Variants in TMTC4 observed in about 807,000 individuals in gnomAD.
TMTC4 encodes transmembrane O-mannosyltransferase targeting cadherins 4.
TMTC4 carries 65 observed loss-of-function variants against 86.0 expected under a neutral mutation model. The ratio of observed to expected loss-of-function variants is 0.76; its 90% CI spans 0.62 to 0.93. The LOEUF is 0.93. Among genes scored for constraint, TMTC4 ranks in the 40% least tolerant of loss-of-function variants. The probability of loss-of-function intolerance (pLI) is 0.00; values close to 1 mark genes in which losing one functional copy is unlikely to be tolerated. For synonymous variants in TMTC4, 379 were observed against 382.5 expected, an observed-to-expected ratio of 0.99 and a Z score of 0.11; for missense variants, 866 against 948.1, an observed-to-expected ratio of 0.91 and a Z score of 1.14.
At chr13:100,633,473 G>T (rs1183413785) in intron 12 of TMTC4, among the ~76,000 whole-genome samples, 1 of 152,110 alleles carries the variant, frequency 6.6e-6, no homozygotes, top group African/African-American at 2.4e-5. Flanking sequence ...GTTTTAAAAA[G>T]TGTAGTTTTG....
intron 6 of TMTC4, among the ~76,000 whole-genome samples, chr13:100,656,109 A>T (rs1365133487): frequency 6.6e-6 from 1 of 152,228 alleles, no homozygotes; most frequent in African/African-American, 2.4e-5. Flanking sequence ...TAAAATGGCA[A>T]AACTCAATCC....
In TMTC4 at chr13:100,634,884, C is replaced by T. The variant is rs138045548; in HGVS notation, c.1427G>A (p.Cys476Tyr). 4.9e-5 allele frequency: 79 copies of T among 1,614,076 alleles called. No homozygotes were observed. The African/African-American group carries it at 9.9e-4, about 20-fold the overall frequency. The change falls in exon 12 of 19, where the codon TGT becomes TAT. Residue 476 changes from cysteine to tyrosine, a missense_variant. Cys to Tyr is a radical substitution (Grantham distance 194, BLOSUM62 -2). Transcript: ENST00000342624. ...CCGCCACTCGCCGCTGCGCAGCACA[C>T]ATCTCAGCGTGTTGATGAATAAGAT... Reference protein sequence around the residue: ...LGILFINTLRCVLRSGEWRSE... With the variant: ...LGILFINTLRYVLRSGEWRSE...
At chr13:100,653,437 G>C (rs1884695986) in intron 6 of TMTC4, among the ~76,000 whole-genome samples, 1 of 152,142 alleles carries the variant, frequency 6.6e-6, no homozygotes, top group South Asian at 2.1e-4. Context: ...AGGGAACGAG[G>C]TGGACGGGGA....
At chr13:100,652,035 A>G (rs1417875783) in intron 6 of TMTC4, among the ~76,000 whole-genome samples, 3 of 152,194 alleles carry the variant, frequency 2.0e-5, no homozygotes, top group African/African-American at 7.2e-5. Context: ...TACTGACTAC[A>G]TAGGGTAAAA....
In TMTC4 at chr13:100,605,888, G is replaced by T. The variant is rs565993831; in HGVS notation, c.2134+470C>A. Among the ~76,000 whole-genome samples, 4 of 152,238 alleles carry T rather than the reference G, an allele frequency of 2.6e-5. No individual in the cohort carries two copies. Among genetic ancestry groups the T allele is most frequent in the African/African-American group, 9.6e-5 (4 of 41,556 alleles). On this transcript the variant is annotated intron_variant, in intron 18 of 18. Coordinates refer to ENST00000342624, the MANE Select transcript of TMTC4 (RefSeq NM_032813.5). This position sits in a 1 kb window ranked among gnomAD's most constrained non-coding sequence, Gnocchi z 4.3. ...ATACAAATGCAAGAAATGAATTCTA[G>T]GGAATAAATGATTATAAATGCATTT...
At chr13:100,649,095 A>T (rs1884107817) in intron 6 of TMTC4, among the ~76,000 whole-genome samples, 1 of 152,212 alleles carries the variant, frequency 6.6e-6, no homozygotes, top group African/African-American at 2.4e-5. Context: ...ACCATTTCAT[A>T]TAAATGAAAG....
rs1410489296 is a variant in TMTC4 at position 100,662,868 on chromosome 13, G to C, written c.552+96C>G. 7.6e-6 allele frequency: 10 copies of C among 1,313,694 alleles called. No homozygotes were observed. The South Asian group carries it at 1.2e-4, about 16-fold the overall frequency. The allele number at this position is 1,313,694 out of a possible 1,614,324, so 81.4% of individuals were successfully genotyped here. ...TTCTCCAGCTCTGGAACCAAGATGG[G>C]TACATAAAGGGAGCCTGTTTTAGGA... is the stretch of plus-strand genomic sequence containing the variant. On this transcript the variant is annotated intron_variant, in intron 5 of 18. Transcript: ENST00000342624.
intron 12 of TMTC4, among the ~76,000 whole-genome samples, chr13:100,633,140 C>T (rs1414234886): frequency 1.3e-5 from 2 of 151,766 alleles, no homozygotes; most frequent in Admixed American, 6.6e-5. Flanking sequence ...AGTGAAACCC[C>T]GTCTCTACTA....
intron 1 of TMTC4, among the ~76,000 whole-genome samples, chr13:100,672,730 G>A (rs540795190): frequency 2.6e-5 from 4 of 152,160 alleles, no homozygotes; most frequent in Non-Finnish European, 5.9e-5. Flanking sequence ...GGCTTCAAGC[G>A]ATCCTCCTGC....
At chr13:100,610,707 G>T (rs1877427751) in intron 17 of TMTC4, among the ~76,000 whole-genome samples, 1 of 152,198 alleles carries the variant, frequency 6.6e-6, no homozygotes, top group African/African-American at 2.4e-5. Context: ...AACGAACTCT[G>T]GGTTTTATCC....
At chr13:100,632,015 C>CCACACA (rs60522457) in intron 12 of TMTC4, among the ~76,000 whole-genome samples, 185 of 99,238 alleles carry the variant, frequency 1.9e-3, no homozygotes, top group South Asian at 4.0e-3. Context: ...TAAGAGGAAA[C>CCACACA]CACACACACA....
intron 17 of TMTC4, among the ~76,000 whole-genome samples, chr13:100,607,147 T>G (rs1481020153): frequency 6.6e-6 from 1 of 152,204 alleles, no homozygotes; most frequent in Non-Finnish European, 1.5e-5. Flanking sequence ...ACGCCTAACC[T>G]GTTTTTATTG....
At chr13:100,619,177 C>T (rs1275166891) in intron 15 of TMTC4, among the ~76,000 whole-genome samples, 2 of 142,476 alleles carry the variant, frequency 1.4e-5, no homozygotes, top group African/African-American at 2.7e-5. Context: ...GGCTGACCCC[C>T]CCACCTCCCT....
chr13:100,668,169 CT>C (rs1252254755), intron 3 of TMTC4, among the ~76,000 whole-genome samples: 25 of 151,906 alleles, frequency 1.6e-4, no homozygotes, highest in Non-Finnish European at 2.9e-4. Flanking sequence ...GATGCACCTT[CT>C]GGCAGGTGAT....
At chr13:100,655,842 C>G (rs9518126) in intron 6 of TMTC4, among the ~76,000 whole-genome samples, 2 of 119,350 alleles carry the variant, frequency 1.7e-5, no homozygotes, top group African/African-American at 5.6e-5. Context: ...TGAGTGGGCA[C>G]TGGCACAGGC....
chr13:100,666,096 C>T (rs1886363357), intron 3 of TMTC4: 1 of 455,870 alleles, frequency 2.2e-6, no homozygotes, highest in Non-Finnish European at 4.4e-6. Flanking sequence ...GGAGCCTCCA[C>T]AGCAGGGTGT....
chr13:100,653,279 T>G (rs1034026185), intron 6 of TMTC4, among the ~76,000 whole-genome samples: 12 of 152,184 alleles, frequency 7.9e-5, no homozygotes, highest in African/African-American at 2.9e-4. Flanking sequence ...CTAAGAACAG[T>G]GCCTCTGCTA....
At chr13:100,657,186 T>TA (rs1470979613) in intron 5 of TMTC4, among the ~76,000 whole-genome samples, 2 of 152,168 alleles carry the variant, frequency 1.3e-5, no homozygotes, top group Non-Finnish European at 2.9e-5. Flanking sequence ...TCATGATATT[T>TA]AAAAAATAAA....
At chr13:100,639,383 T>C (rs188207397) in intron 7 of TMTC4, among the ~76,000 whole-genome samples, 2 of 152,320 alleles carry the variant, frequency 1.3e-5, no homozygotes, top group East Asian at 1.9e-4. Flanking sequence ...TTCTGCCTGG[T>C]TGAAAACCAC....
Sources: gnomAD v4.1 joint callset for allele counts (sites outside exome capture counted in the v4.1 genomes callset) on GRCh38, gnomAD v4.1.1 for gene constraint, Gnocchi (gnomAD v3.1) non-coding constraint, MANE v1.5 for transcripts, NCBI Gene and HGNC (gene_info 2026-07-23, HGNC 2026-07-21) for gene names.